Variants in ACOT7 observed in about 807,000 individuals in gnomAD.
ACOT7 encodes the protein cytosolic acyl coenzyme A thioester hydrolase.
Under a neutral mutation model 40.2 loss-of-function variants are expected in ACOT7, and 12 were observed. That is an observed-to-expected ratio of 0.30 (90% CI 0.19 to 0.48). ACOT7 has a LOEUF of 0.48. Among genes scored for constraint, ACOT7 ranks in the 20% least tolerant of loss-of-function variants. ACOT7 has a pLI of 0.99. For synonymous variants in ACOT7, 228 were observed against 219.5 expected, an observed-to-expected ratio of 1.04 and a Z score of -0.34; for missense variants, 395 against 530.8, an observed-to-expected ratio of 0.74 and a Z score of 2.51.
intron 1 of ACOT7, among the ~76,000 whole-genome samples, chr1:6,377,330 G>C (rs1642250584): frequency 6.6e-6 from 1 of 152,016 alleles, no homozygotes. Flanking sequence ...GAGCCCAAGA[G>C]TTCGAGACCA....
chr1:6,285,875 G>A (rs539388395), intron 7 of ACOT7, among the ~76,000 whole-genome samples: 4 of 152,204 alleles, frequency 2.6e-5, no homozygotes, highest in Non-Finnish European at 5.9e-5. Context: ...AGGGGGGTCC[G>A]CACCTGCCTT....
At chr1:6,382,196 G>A (rs917932733) in intron 1 of ACOT7, among the ~76,000 whole-genome samples, 27 of 151,278 alleles carry the variant, frequency 1.8e-4, no homozygotes, top group African/African-American at 6.5e-4. Context: ...GGCGGATCAC[G>A]AGGTCAAGAC....
rs879733242 is a variant in ACOT7 at position 6,289,393 on chromosome 1, C to A, written c.829+5471G>T. Among the ~76,000 whole-genome samples the A allele has an allele frequency of 2.0e-5, 3 of 151,922 alleles. No homozygotes were observed. Among genetic ancestry groups the A allele is most frequent in the Non-Finnish European group, 4.4e-5 (3 of 67,998 alleles). ...GGGATTACAGGAGTGAGCCACCACGCCCAGCCTGTTTTTGTTTTTTAAATT... is the reference window on the plus strand; with the variant it reads ...GGGATTACAGGAGTGAGCCACCACGACCAGCCTGTTTTTGTTTTTTAAATT... On this transcript the variant is annotated intron_variant, in intron 7 of 8. Transcript: ENST00000361521. This position sits in a 1 kb window ranked among gnomAD's most constrained non-coding sequence, Gnocchi z 4.6.
chr1:6,316,796 C>T (rs971855177), intron 6 of ACOT7, among the ~76,000 whole-genome samples: 1 of 152,200 alleles, frequency 6.6e-6, no homozygotes, highest in African/African-American at 2.4e-5. Flanking sequence ...GCCTGGGCAA[C>T]AGAGTGAGAC....
chr1:6,355,551 T>C lies in ACOT7; in HGVS notation c.144-5685A>G, dbSNP rs742507. Among the ~76,000 whole-genome samples, 24,648 of 152,086 alleles carry C rather than the reference T, an allele frequency of 0.16. 2,671 individuals are homozygous for C. The highest frequency in any genetic ancestry group is 0.24 in the Non-Finnish European group (16,650 of 67,960). On this transcript the variant is annotated intron_variant, in intron 1 of 8. Coordinates refer to ENST00000361521, the MANE Select transcript of ACOT7 (RefSeq NM_007274.4). The surrounding 1 kb of genome is among the most constrained non-coding windows in gnomAD (Gnocchi z 5.0). ...ACCACCTGGGGCGCAGGGACGACCA[T>C]TCCAGGAAGGAGGTGTGACAAACCA...
At chr1:6,300,665 G>A (rs1309153043) in intron 6 of ACOT7, among the ~76,000 whole-genome samples, 32 of 128,974 alleles carry the variant, frequency 2.5e-4, no homozygotes, top group Admixed American at 2.4e-3. Context: ...GAATCTCACC[G>A]GACCCCACCC....
chr1:6,374,723 C>T (rs1279531909), intron 1 of ACOT7, among the ~76,000 whole-genome samples: 3 of 152,176 alleles, frequency 2.0e-5, no homozygotes, highest in Non-Finnish European at 4.4e-5. Context: ...GGTAAACTGC[C>T]AAGCTGAGAG....
Position 6,282,303 on chromosome 1 carries a change from G to A in ACOT7, c.830-1017C>T, listed in dbSNP as rs1639379901. Among the ~76,000 whole-genome samples the A allele has an allele frequency of 6.6e-6, 1 of 152,172 alleles. No homozygotes were observed. Among genetic ancestry groups the A allele is most frequent in the Non-Finnish European group, 1.5e-5 (1 of 68,026 alleles). ...ATAGCTACGGGATGGAAGGACTCAAGCCAAGAGCTGACCTGGGGCCCCGGG... is the reference window on the plus strand; with the variant it reads ...ATAGCTACGGGATGGAAGGACTCAAACCAAGAGCTGACCTGGGGCCCCGGG... On this transcript the variant is annotated intron_variant, in intron 7 of 8. Transcript: ENST00000361521. This position sits in a 1 kb window ranked among gnomAD's most constrained non-coding sequence, Gnocchi z 4.5.
At chr1:6,321,096 ACT>A (rs758181017) in intron 5 of ACOT7, among the ~76,000 whole-genome samples, 12 of 151,772 alleles carry the variant, frequency 7.9e-5, no homozygotes, top group Admixed American at 2.6e-4. Flanking sequence ...CTTTAGTTAG[ACT>A]CTGATTCCAC....
intron 5 of ACOT7, 108 bp from the exon 6 acceptor site, chr1:6,318,686 T>C: frequency 9.1e-7 from 1 of 1,098,834 alleles, no homozygotes; most frequent in Non-Finnish European, 1.4e-6. Context: ...AACGAAGGCG[T>C]CCAAAGCCGG....
chr1:6,338,000 CA>C (rs769360339), intron 3 of ACOT7, among the ~76,000 whole-genome samples: 767 of 71,792 alleles, frequency 0.011, 1 homozygote, highest in East Asian at 0.058. Flanking sequence ...GACACCATCT[CA>C]AAAAAAAAAA....
rs75591891 is a variant in ACOT7, at chr1:6,287,961, G to C, written c.830-6675C>G. Reference sequence around the variant, plus strand: ...AATAGTGGAGATCGTTTCTCCCCAAGAAAACGTCAACTTTAGGTTTTCTCA... The same window carrying C: ...AATAGTGGAGATCGTTTCTCCCCAACAAAACGTCAACTTTAGGTTTTCTCA... On this transcript the variant is annotated intron_variant, in intron 7 of 8. Coordinates refer to ENST00000361521, the MANE Select transcript of ACOT7 (RefSeq NM_007274.4). 5.5e-3 allele frequency among the ~76,000 whole-genome samples: 830 copies of C among 152,162 alleles called. 5 individuals carry two copies. The highest frequency in any genetic ancestry group is 0.019 in the African/African-American group (791 of 41,500).
intron 1 of ACOT7, among the ~76,000 whole-genome samples, chr1:6,389,381 C>T (rs2148485098): frequency 6.6e-6 from 1 of 152,292 alleles, no homozygotes; most frequent in African/African-American, 2.4e-5. Context: ...CCTCCATCAG[C>T]ATGGTTATTC....
At chr1:6,385,979 T>A (rs1642434782) in intron 1 of ACOT7, among the ~76,000 whole-genome samples, 1 of 152,156 alleles carries the variant, frequency 6.6e-6, no homozygotes. Context: ...GAGGATGAAC[T>A]GGGTGGGGCC....
Position 6,359,049 on chromosome 1 carries a change from G to T in ACOT7, c.144-9183C>A. 1.5e-6 allele frequency: 1 copy of T among 684,910 alleles called. No homozygotes were observed. Among genetic ancestry groups the T allele is most frequent in the Non-Finnish European group, 2.3e-6 (1 of 436,302 alleles). 42.4% of individuals were successfully genotyped at this position (684,910 alleles called of 1,614,324 possible). On this transcript the variant is annotated intron_variant, in intron 1 of 8. Transcript: ENST00000361521. This position sits in a 1 kb window ranked among gnomAD's most constrained non-coding sequence, Gnocchi z 4.1. ...CAATCCAGAGCGTCTACCAGAAACC[G>T]GTCGTCATGGAAACCTTGCTTTATA...
intron 7 of ACOT7, among the ~76,000 whole-genome samples, chr1:6,284,655 C>G (rs746296891): frequency 6.6e-6 from 1 of 151,636 alleles, no homozygotes; most frequent in Admixed American, 6.6e-5. Context: ...GCGGCTGAGG[C>G]GCACACCAAA....
chr1:6,347,531 G>A (rs570759526), intron 2 of ACOT7, among the ~76,000 whole-genome samples: 4 of 152,288 alleles, frequency 2.6e-5, no homozygotes, highest in East Asian at 3.9e-4. Flanking sequence ...TTGTGAGGCC[G>A]ACGTGGGCAG....
At chr1:6,322,692 G>C (rs1279013879) in intron 5 of ACOT7, among the ~76,000 whole-genome samples, 1 of 152,160 alleles carries the variant, frequency 6.6e-6, no homozygotes, top group East Asian at 1.9e-4. Flanking sequence ...CCACCCTAAT[G>C]ACCTCATTTT....
At chr1:6,385,566 C>G (rs1415347410) in intron 1 of ACOT7, 2 of 1,612,180 alleles carry the variant, frequency 1.2e-6, no homozygotes, top group Non-Finnish European at 8.5e-7. Context: ...AGCGCAGCAC[C>G]CTCGCCGGGG....
Sources: gnomAD v4.1 joint callset for allele counts (sites outside exome capture counted in the v4.1 genomes callset) on GRCh38, gnomAD v4.1.1 for gene constraint, Gnocchi (gnomAD v3.1) non-coding constraint, MANE v1.5 for transcripts, NCBI Gene and HGNC (gene_info 2026-07-23, HGNC 2026-07-21) for gene names.